DIDO1: variants seen among roughly 807,000 people sequenced by gnomAD.
The protein encoded by DIDO1 is death-inducer obliterator 1.
DIDO1 carries 16 observed loss-of-function variants against 99.4 expected under a neutral mutation model. The ratio of observed to expected loss-of-function variants is 0.16; its 90% CI spans 0.11 to 0.24. The LOEUF (loss-of-function observed/expected upper bound fraction) is 0.24, where lower values mean the gene tolerates loss of function less well. Among genes scored for constraint, DIDO1 ranks in the 10% least tolerant of loss-of-function variants. The pLI, the probability that DIDO1 is intolerant of heterozygous loss-of-function variation, is 1.00. For synonymous variants in DIDO1, 1,366 were observed against 1,239.1 expected, an observed-to-expected ratio of 1.10 and a Z score of -2.15; for missense variants, 2,996 against 3,014.0, an observed-to-expected ratio of 0.99 and a Z score of 0.14.
intron 1 of DIDO1, among the ~76,000 whole-genome samples, chr20:62,933,174 G>T (rs2065348291): frequency 6.6e-6 from 1 of 152,180 alleles, no homozygotes; most frequent in Admixed American, 6.5e-5. Flanking sequence ...TCGTGCCATT[G>T]CACTCCAGCC....
rs1555836796 is a variant in DIDO1 at position 62,881,151 on chromosome 20, C to A, written c.4805G>T (p.Gly1602Val). ...ERDASRGGLV[G>V]QAPMPVPEEK... ...CTCCGGGACTGGCATGGGCGCCTGG[C>A]CCACGAGGCCACCCCTGGAAGCATC... is the stretch of plus-strand genomic sequence containing the variant. The change falls in exon 16 of 16, where the codon GGC (glycine) becomes GTC (valine). Residue 1602 changes from glycine (G) to valine (V), a missense_variant. Physicochemically the swap from Gly to Val is moderately radical, Grantham distance 109. Coordinates refer to ENST00000395343, the MANE Select transcript of DIDO1 (RefSeq NM_001193369.2). This position sits in a 1 kb window ranked among gnomAD's most constrained non-coding sequence, Gnocchi z 8.3. The A allele has an allele frequency of 6.8e-6, 11 of 1,607,816 alleles. No homozygotes were observed. Among genetic ancestry groups the A allele is most frequent in the Admixed American group, 6.7e-5 (4 of 59,822 alleles).
chr20:62,932,362 G>A (rs62200660), intron 1 of DIDO1, among the ~76,000 whole-genome samples: 9 of 152,278 alleles, frequency 5.9e-5, no homozygotes, highest in African/African-American at 2.2e-4. Context: ...GATCACAACA[G>A]CTGCATGCAT....
At position 62,878,496 on chromosome 20, in the gene DIDO1, C is replaced by G. The variant is rs1053724203; in HGVS notation, c.*737G>C. On this transcript the variant is annotated 3_prime_UTR_variant, in exon 16 of 16. Transcript: ENST00000395343. ...AACTCCTGATTATTCAAATCAAGGA[C>G]TCCTCCCTGCCCCCAAAGTACACTT... is the stretch of plus-strand genomic sequence containing the variant. 6.6e-6 allele frequency: 1 copy of G among 150,922 alleles called. No homozygotes were observed. Among genetic ancestry groups the G allele is most frequent in the African/African-American group, 2.4e-5 (1 of 41,404 alleles). The allele number at this position is 150,922 out of a possible 1,614,324, so 9.3% of individuals were successfully genotyped here. A position where few individuals can be genotyped will look rare whatever the true frequency, so the allele number is the denominator to read the frequency against.
rs2064175373 is a variant in DIDO1, at chr20:62,880,211, C to T, written c.5745G>A (p.Gln1915=). 1.2e-6 allele frequency: 2 copies of T among 1,612,386 alleles called. No individual in the cohort carries two copies. Among genetic ancestry groups the T allele is most frequent in the Non-Finnish European group, 1.7e-6 (2 of 1,179,916 alleles). The change falls in exon 16 of 16, where the codon CAG becomes CAA. Residue 1915 remains glutamine (Q), a synonymous_variant. Coordinates refer to ENST00000395343, the MANE Select transcript of DIDO1 (RefSeq NM_001193369.2). ...GGPPPSQFGG[Q]RGPPPGHFVG... The stretch of plus-strand genomic sequence containing the variant: ...CGAAATGACCAGGGGGTGGTCCTCT[C>T]TGACCTCCAAACTGAGAGGGAGGGG...
chr20:62,881,297 C>T lies in DIDO1; in HGVS notation c.4659G>A (p.Gln1553=), dbSNP rs375556080. Residue 1553 remains glutamine (Q), a synonymous_variant, in exon 16 of 16, where the codon CAG becomes CAA. Transcript: ENST00000395343. The surrounding 1 kb of genome is among the most constrained non-coding windows in gnomAD (Gnocchi z 8.3). ...DKPASLPPAS[Q]ASNHRDPRQA... ...GCCGGGGGTCCCTGTGGTTTGACGCCTGGCTGGCGGGGGGCAGTGAGGCGG... is the reference window on the plus strand; with the variant it reads ...GCCGGGGGTCCCTGTGGTTTGACGCTTGGCTGGCGGGGGGCAGTGAGGCGG... The T allele has an allele frequency of 6.2e-5, 100 of 1,604,972 alleles. No homozygotes were observed. Among genetic ancestry groups the T allele is most frequent in the Middle Eastern group, 1.6e-4 (1 of 6,084 alleles).
At chr20:62,932,079 G>A (rs2065337336) in intron 1 of DIDO1, among the ~76,000 whole-genome samples, 1 of 152,224 alleles carries the variant, frequency 6.6e-6, no homozygotes, top group Non-Finnish European at 1.5e-5. Flanking sequence ...TTGCTTTGTT[G>A]ACCTGGCTGG....
upstream of DIDO1, among the ~76,000 whole-genome samples, chr20:62,927,225 A>G (rs1237889604): frequency 1.3e-5 from 2 of 152,188 alleles, no homozygotes; most frequent in African/African-American, 4.8e-5. Flanking sequence ...CACCATGTCA[A>G]TCCTACACTC....
Position 62,896,691 on chromosome 20 carries a change from C to T in DIDO1, c.1894G>A (p.Ala632Thr), listed in dbSNP as rs908981751. ...TAASKKFPGS[A>T]ALVGAVRKPV... ...TTCCTTACGGCTCCCACCAAAGCAG[C>T]GGAGCCAGGGAACTTCTTGGAGGCA... The change falls in exon 7 of 16, where the codon GCT becomes ACT. Residue 632 changes from alanine (A) to threonine (T), a missense_variant. By Grantham distance (58) the Ala-to-Thr change is moderately conservative. Around this residue, in one of 5 missense-constraint regions of DIDO1, gnomAD observed 898 missense variants for 972.7 expected, o/e 0.92. Coordinates refer to ENST00000395343, the MANE Select transcript of DIDO1 (RefSeq NM_001193369.2). The surrounding 1 kb of genome is among the most constrained non-coding windows in gnomAD (Gnocchi z 4.4). 7.4e-6 allele frequency: 12 copies of T among 1,613,786 alleles called. No homozygotes were observed. The highest frequency in any genetic ancestry group is 2.2e-5 in the South Asian group (2 of 91,076).
At chr20:62,908,096 C>A (rs892926303) in intron 4 of DIDO1, among the ~76,000 whole-genome samples, 1 of 152,066 alleles carries the variant, frequency 6.6e-6, no homozygotes, top group Non-Finnish European at 1.5e-5. Context: ...CCTCCCACCC[C>A]AGCCTCCCCA....
At chr20:62,900,915 A>G (rs891948140) in intron 6 of DIDO1, among the ~76,000 whole-genome samples, 8 of 152,214 alleles carry the variant, frequency 5.3e-5, no homozygotes, top group Non-Finnish European at 8.8e-5. Context: ...GTTCACTGTG[A>G]CGTCAGGCCT....
upstream of DIDO1, among the ~76,000 whole-genome samples, chr20:62,927,602 A>C (rs1375625968): frequency 6.6e-6 from 1 of 152,242 alleles, no homozygotes; most frequent in Non-Finnish European, 1.5e-5. Context: ...TGGACCATCT[A>C]GCCTTTGGCG....
At chr20:62,919,674 G>A (rs367911521) in intron 1 of DIDO1, among the ~76,000 whole-genome samples, 6 of 152,298 alleles carry the variant, frequency 3.9e-5, no homozygotes, top group Admixed American at 6.5e-5. Flanking sequence ...ATAGATACGC[G>A]GAGACAAAAA....
chr20:62,927,188 G>C (rs2065271220), upstream of DIDO1, among the ~76,000 whole-genome samples: 1 of 152,204 alleles, frequency 6.6e-6, no homozygotes. Flanking sequence ...GACCTTGGCG[G>C]TGTGGTCCCA....
intron 1 of DIDO1, among the ~76,000 whole-genome samples, chr20:62,922,098 CACTATATATAT>C (rs1568885502): frequency 2.7e-3 from 210 of 78,458 alleles, no homozygotes; most frequent in African/African-American, 9.5e-3. Context: ...TATATATACA[CACTATATATAT>C]ACACACACAC....
In DIDO1 at chr20:62,899,307, T is replaced by TGGCTGTGACACACAGAACACCTGTG. The variant is rs1295166315; in HGVS notation, c.1589-2336_1589-2312dup. Among the ~76,000 whole-genome samples, 18 of 152,348 alleles carry TGGCTGTGACACACAGAACACCTGTG rather than the reference T, an allele frequency of 1.2e-4. No individual in the cohort carries two copies. In the South Asian group the frequency reaches 1.4e-3, roughly 12 times the overall value. ...TTCCAGAAACCTCGGCAAAATGCCT[T>TGGCTGTGACACACAGAACACCTGTG]GGCTGTGACACACAGAACACCTGTG... On this transcript the variant is annotated intron_variant, in intron 6 of 15. Coordinates refer to ENST00000395343, the MANE Select transcript of DIDO1 (RefSeq NM_001193369.2).
rs1401611322 is a variant in DIDO1 at position 62,881,255 on chromosome 20, G to A, written c.4701C>T (p.Ala1567=). The change falls in exon 16 of 16, where the codon GCC becomes GCT. Residue 1567 remains alanine (A), a synonymous_variant. Transcript: ENST00000395343. The surrounding 1 kb of genome is among the most constrained non-coding windows in gnomAD (Gnocchi z 8.3). ...CCCCCTCCCCCTCACCGGTCTCAGT[G>A]GCCAGGCGCCTCGCCTGCCGGGGGT... The part of the protein sequence containing the change: ...HRDPRQARRL[A]TETGEGEGEP... The A allele has an allele frequency of 4.4e-6, 7 of 1,601,638 alleles. No homozygotes were observed. Among genetic ancestry groups the A allele is most frequent in the Admixed American group, 1.7e-5 (1 of 59,400 alleles).
intron 12 of DIDO1, 37 bp from the exon 13 acceptor site, chr20:62,892,999 C>T (rs767268895): frequency 6.3e-7 from 1 of 1,575,690 alleles, no homozygotes. Context: ...GTCAATGTCT[C>T]TCTGTGCAAT....
Position 62,907,163 on chromosome 20 carries a change from G to A in DIDO1, c.1358C>T (p.Pro453Leu), listed in dbSNP as rs759451853. Residue 453 changes from proline to leucine, a missense_variant, in exon 5 of 16, where the codon CCG becomes CTG. Coordinates refer to ENST00000395343, the MANE Select transcript of DIDO1 (RefSeq NM_001193369.2). ...MKMKPEKPSL[P>L]KCGAQAGIKI... is the part of the protein sequence containing the mutation. Reference sequence around the variant, plus strand: ...TCCACTCACCTGAGCACCGCATTTCGGAAGACTGGGCTTCTCTGGCTTCAT... The same window carrying A: ...TCCACTCACCTGAGCACCGCATTTCAGAAGACTGGGCTTCTCTGGCTTCAT... The A allele has an allele frequency of 1.5e-5, 24 of 1,614,214 alleles. No individual in the cohort carries two copies. The South Asian group carries it at 1.6e-4, about 11-fold the overall frequency.
In DIDO1 at chr20:62,881,232, C is replaced by T; in HGVS notation, c.4724G>A (p.Gly1575Glu). The T allele has an allele frequency of 6.2e-7, 1 of 1,603,294 alleles. No homozygotes were observed. The highest frequency in any genetic ancestry group is 8.5e-7 in the Non-Finnish European group (1 of 1,177,374). The change falls in exon 16 of 16, where the codon GGG becomes GAG. Residue 1575 changes from glycine (G) to glutamate (E), a missense_variant. Physicochemically the swap from Gly to Glu is moderately conservative, Grantham distance 98. This residue lies in a region of DIDO1 where 1,562 missense variants were observed against 1,412.6 expected (regional missense o/e 1.11). Transcript: ENST00000395343. This position sits in a 1 kb window ranked among gnomAD's most constrained non-coding sequence, Gnocchi z 8.3. ...RLATETGEGEGEPLSRLSARG... is the reference protein window; with the variant it reads ...RLATETGEGEEEPLSRLSARG... The stretch of plus-strand genomic sequence containing the variant: ...TGCCGAGAGCCTGGAGAGAGGCTCC[C>T]CCTCCCCCTCACCGGTCTCAGTGGC...
Sources: gnomAD v4.1 joint callset for allele counts (sites outside exome capture counted in the v4.1 genomes callset) on GRCh38, gnomAD v4.1.1 for gene constraint, gnomAD v4.1.1 regional missense constraint, Gnocchi (gnomAD v3.1) non-coding constraint, MANE v1.5 for transcripts, NCBI Gene and HGNC (gene_info 2026-07-23, HGNC 2026-07-21) for gene names.